SCAPER: variants seen among roughly 807,000 people sequenced by gnomAD.
SCAPER encodes S-phase cyclin A associated protein in the ER.
Under a neutral mutation model 182.2 loss-of-function variants are expected in SCAPER, and 98 were observed. That is an observed-to-expected ratio of 0.54 (90% CI 0.46 to 0.64). The LOEUF is 0.64. Ranked by LOEUF, SCAPER falls within the 30% of genes least tolerant of loss-of-function variation. The pLI is 0.00. For synonymous variants in SCAPER, 605 were observed against 564.6 expected (o/e 1.07, Z -1.01); for missense variants, 1,432 against 1,690.0 (o/e 0.85, Z 2.68).
chr15:76,846,018 A>G (rs2070041080), intron 4 of SCAPER, among the ~76,000 whole-genome samples: 1 of 152,108 alleles, frequency 6.6e-6, no homozygotes, highest in African/African-American at 2.4e-5. Context: ...GGAACATAAT[A>G]AAGAGCCCAG....
chr15:76,800,280 T>C lies in SCAPER; in HGVS notation c.579A>G (p.Val193=). ...IPSPSTDRIN[V]TSNARRSLNF... is the part of the protein sequence containing the mutation. ...TTAAGCTTCGTCGAGCATTTGATGT[T>C]ACATTTATTCTATCTGTTGATGGAC... The change falls in exon 7 of 32, where the codon GTA becomes GTG. Residue 193 remains valine, a synonymous_variant. Coordinates refer to ENST00000563290, the MANE Select transcript of SCAPER (RefSeq NM_020843.4). 1 of 1,613,128 alleles carries C rather than the reference T, an allele frequency of 6.2e-7. No individual in the cohort carries two copies.
intron 20 of SCAPER, among the ~76,000 whole-genome samples, chr15:76,682,153 T>C (rs1039080002): frequency 6.6e-6 from 1 of 152,082 alleles, no homozygotes; most frequent in Admixed American, 6.5e-5. Context: ...CCTGTGGAAA[T>C]GTACCAGCCT....
At chr15:76,560,505 C>T (rs2046535306) in intron 23 of SCAPER, among the ~76,000 whole-genome samples, 1 of 152,122 alleles carries the variant, frequency 6.6e-6, no homozygotes, top group African/African-American at 2.4e-5. Flanking sequence ...GAAACTGACA[C>T]CCAGAGAAAT....
chr15:76,631,045 T>C (rs770768046), intron 21 of SCAPER, among the ~76,000 whole-genome samples: 3 of 152,228 alleles, frequency 2.0e-5, no homozygotes, highest in Non-Finnish European at 4.4e-5. Context: ...TTTATCATTA[T>C]GTAATGCCCT....
At chr15:76,746,488 ACTT>A (rs1203185074) in intron 15 of SCAPER, among the ~76,000 whole-genome samples, 1 of 152,254 alleles carries the variant, frequency 6.6e-6, no homozygotes, top group Non-Finnish European at 1.5e-5. Context: ...TACTCTCACT[ACTT>A]CTATTCAACA....
At chr15:76,385,415 C>T (rs2043228189) in intron 27 of SCAPER, among the ~76,000 whole-genome samples, 1 of 152,138 alleles carries the variant, frequency 6.6e-6, no homozygotes, top group African/African-American at 2.4e-5. Flanking sequence ...CTAGATTGTT[C>T]TCTTAGCTTC....
chr15:76,786,597 T>C (rs2064628518), intron 8 of SCAPER, among the ~76,000 whole-genome samples: 1 of 152,146 alleles, frequency 6.6e-6, no homozygotes, highest in Non-Finnish European at 1.5e-5. Context: ...GTGTCTCCTA[T>C]CACCATGCTT....
At chr15:76,508,567 A>G (rs1343831171) in intron 23 of SCAPER, among the ~76,000 whole-genome samples, 1 of 152,188 alleles carries the variant, frequency 6.6e-6, no homozygotes, top group Non-Finnish European at 1.5e-5. Context: ...AATTGGTTTT[A>G]CCAGTCTTTT....
At chr15:76,585,524 A>C (rs1443859730) in intron 22 of SCAPER, among the ~76,000 whole-genome samples, 2 of 152,174 alleles carry the variant, frequency 1.3e-5, no homozygotes, top group Non-Finnish European at 2.9e-5. Context: ...ATGCAGCCAT[A>C]GCAACAGATA....
chr15:76,464,956 T>G (rs148643607), intron 25 of SCAPER, among the ~76,000 whole-genome samples: 65 of 152,280 alleles, frequency 4.3e-4, no homozygotes, highest in African/African-American at 1.4e-3. Context: ...CTCATTGTGG[T>G]TTTGATTTGC....
At chr15:76,779,545 T>C (rs538903478) in intron 8 of SCAPER, among the ~76,000 whole-genome samples, 16 of 152,246 alleles carry the variant, frequency 1.1e-4, no homozygotes, top group African/African-American at 3.6e-4. Context: ...AGAAACTCAA[T>C]ATACAATTTA....
intron 29 of SCAPER, among the ~76,000 whole-genome samples, chr15:76,375,946 C>T (rs890005207): frequency 6.6e-6 from 1 of 152,178 alleles, no homozygotes; most frequent in African/African-American, 2.4e-5. Context: ...GATTGCACCA[C>T]TGCATTCCAG....
At chr15:76,433,412 G>A (rs1031092525) in intron 26 of SCAPER, among the ~76,000 whole-genome samples, 2 of 152,142 alleles carry the variant, frequency 1.3e-5, no homozygotes, top group Non-Finnish European at 2.9e-5. Flanking sequence ...GGAGGCTGAG[G>A]CAGAAGAATT....
intron 23 of SCAPER, among the ~76,000 whole-genome samples, chr15:76,506,986 A>T (rs527568474): frequency 2.4e-4 from 37 of 152,274 alleles, no homozygotes; most frequent in African/African-American, 8.9e-4. Context: ...GCTACACTGT[A>T]TGTTTTTAAG....
chr15:76,391,552 C>G (rs1300823401), intron 27 of SCAPER, among the ~76,000 whole-genome samples: 2 of 152,182 alleles, frequency 1.3e-5, no homozygotes, highest in Non-Finnish European at 2.9e-5. Flanking sequence ...GAATGAAGGC[C>G]TTGGATGCCT....
intron 23 of SCAPER, among the ~76,000 whole-genome samples, chr15:76,541,161 G>A (rs766313031): frequency 6.6e-6 from 1 of 151,476 alleles, no homozygotes; most frequent in Non-Finnish European, 1.5e-5. Context: ...GAATGATGAG[G>A]AAATGTTTAT....
At chr15:76,472,143 A>G (rs1596840785) in intron 24 of SCAPER, 1 of 311,156 alleles carries the variant, frequency 3.2e-6, no homozygotes, top group East Asian at 7.4e-5. Flanking sequence ...CAATAGAGCC[A>G]AGGTGAAGAA....
chr15:76,466,183 T>C (rs2142994487), intron 25 of SCAPER, among the ~76,000 whole-genome samples: 1 of 152,156 alleles, frequency 6.6e-6, no homozygotes, highest in African/African-American at 2.4e-5. Context: ...CTTCTTCTTG[T>C]GAACTTTCCA....
chr15:76,383,797 CCT>C (rs1596372006), intron 27 of SCAPER, among the ~76,000 whole-genome samples: 1 of 152,228 alleles, frequency 6.6e-6, no homozygotes, highest in Non-Finnish European at 1.5e-5. Flanking sequence ...CGGAGGCTGA[CCT>C]CCTCTTTTCT....
Sources: allele counts gnomAD v4.1 joint callset (sites outside exome capture counted in the v4.1 genomes callset), GRCh38; gene constraint gnomAD v4.1.1; transcripts MANE v1.5; gene names NCBI Gene and HGNC (gene_info 2026-07-23, HGNC 2026-07-21).